The following LAMA1 variants were observed in gnomAD, a reference collection of about 807,000 sequenced individuals.
LAMA1 encodes laminin subunit alpha-1.
A neutral mutation model predicts 348.7 loss-of-function variants in LAMA1; 219 were observed. That is an observed-to-expected ratio of 0.63 (90% CI 0.56 to 0.70). The LOEUF is 0.70. Among genes scored for constraint, LAMA1 ranks in the 30% least tolerant of loss-of-function variants. LAMA1 has a pLI of 0.00. For missense variants in LAMA1, 3,744 were observed against 3,888.0 expected, an observed-to-expected ratio of 0.96 and a Z score of 0.99; for synonymous variants, 1,487 against 1,491.0, an observed-to-expected ratio of 1.00 and a Z score of 0.06.
chr18:7,072,688 G>C (rs1195902336), intron 3 of LAMA1, among the ~76,000 whole-genome samples: 1 of 152,132 alleles, frequency 6.6e-6, no homozygotes, highest in Non-Finnish European at 1.5e-5. Flanking sequence ...ACAAAATCCT[G>C]CCCCAGGATG....
At chr18:6,999,717 A>G in intron 31 of LAMA1, 79 bp from the exon 32 acceptor site, 1 of 1,319,438 alleles carries the variant, frequency 7.6e-7, no homozygotes, top group Non-Finnish European at 1.1e-6. Context: ...CATTTCCGCC[A>G]AATGAAATGC....
At chr18:7,053,831 T>C (rs572856927) in intron 3 of LAMA1, among the ~76,000 whole-genome samples, 2 of 150,604 alleles carry the variant, frequency 1.3e-5, no homozygotes, top group South Asian at 4.2e-4. Flanking sequence ...CCCAGGCTGC[T>C]GGAGTGCAAT....
chr18:6,982,722 G>A, intron 40 of LAMA1, 132 bp from the exon 41 acceptor site: 1 of 796,878 alleles, frequency 1.3e-6, no homozygotes, highest in East Asian at 2.5e-5. Flanking sequence ...GTACCAGGTA[G>A]GGACAATTTA....
chr18:7,027,977 C>T lies in LAMA1; in HGVS notation c.2275-1871G>A, dbSNP rs151058022. On this transcript the variant is annotated intron_variant, in intron 16 of 62. Transcript: ENST00000389658. ...ACAAAAAAGCTATTATAAGCATGCT[C>T]AAAGACTTGAAGGAAACATAAAAAC... 2.4e-3 allele frequency among the ~76,000 whole-genome samples: 362 copies of T among 152,046 alleles called. 2 individuals are homozygous for T. Among genetic ancestry groups the T allele is most frequent in the Non-Finnish European group, 4.5e-3 (304 of 67,984 alleles).
intron 3 of LAMA1, 33 bp downstream of exon 3, chr18:7,079,942 T>C (rs2058185968): frequency 6.8e-7 from 1 of 1,464,310 alleles, no homozygotes; most frequent in Non-Finnish European, 9.6e-7. Context: ...CAGCAGCCTG[T>C]AGACACTCTT....
chr18:7,010,692 A>C (rs1201916427), intron 25 of LAMA1, among the ~76,000 whole-genome samples: 1 of 152,234 alleles, frequency 6.6e-6, no homozygotes, highest in African/African-American at 2.4e-5. Context: ...CTCCAGGAGC[A>C]CTGGGTGCAT....
At chr18:7,082,089 T>C (rs144856335) in intron 1 of LAMA1, among the ~76,000 whole-genome samples, 1 of 152,098 alleles carries the variant, frequency 6.6e-6, no homozygotes, top group East Asian at 1.9e-4. Flanking sequence ...TTACCATGCA[T>C]CTATTAAAAA....
intron 1 of LAMA1, among the ~76,000 whole-genome samples, chr18:7,086,334 A>G (rs1012530717): frequency 3.3e-5 from 5 of 152,262 alleles, no homozygotes; most frequent in African/African-American, 1.2e-4. Context: ...AGGCAGAAAT[A>G]GAAGGGCATG....
In LAMA1 at chr18:7,017,385, C is replaced by T; in HGVS notation, c.2702-1G>A. On this transcript the variant is annotated splice_acceptor_variant, in intron 19 of 62. Transcript: ENST00000389658. LOFTEE classifies it high-confidence loss of function. Reference sequence around the variant, plus strand: ...GAGCCTTTCACATGGCATTCACAGGCTAAACACATGCACACAAAGACATAT... The same window carrying T: ...GAGCCTTTCACATGGCATTCACAGGTTAAACACATGCACACAAAGACATAT... The T allele has an allele frequency of 6.2e-7, 1 of 1,609,196 alleles. No homozygotes were observed. The highest frequency in any genetic ancestry group is 8.5e-7 in the Non-Finnish European group (1 of 1,176,066).
chr18:7,079,537 A>C, intron 3 of LAMA1: 2 of 259,670 alleles, frequency 7.7e-6, no homozygotes, highest in Non-Finnish European at 1.5e-5. Flanking sequence ...GAGGTTTAAC[A>C]CCGTTTTGTC....
chr18:7,000,177 T>C (rs570067699), intron 30 of LAMA1, among the ~76,000 whole-genome samples, 180 bp from the exon 31 acceptor site: 131 of 152,340 alleles, frequency 8.6e-4, no homozygotes, highest in African/African-American at 3.0e-3. Context: ...AATCAGTAAG[T>C]GCACACACAT....
At chr18:6,946,665 G>T (rs1279402598) in intron 61 of LAMA1, among the ~76,000 whole-genome samples, 1 of 152,110 alleles carries the variant, frequency 6.6e-6, no homozygotes, top group Non-Finnish European at 1.5e-5. Flanking sequence ...GTTGCAGTGA[G>T]CTGAGATTGC....
In LAMA1 at chr18:6,943,417, C is replaced by A. The variant is rs369955301; in HGVS notation, c.8845-15G>T. 1.2e-6 allele frequency: 2 copies of A among 1,609,154 alleles called. No homozygotes were observed. The highest frequency in any genetic ancestry group is 1.7e-6 in the Non-Finnish European group (2 of 1,175,448). On this transcript the variant is annotated splice_polypyrimidine_tract_variant and intron_variant, in intron 61 of 62. Coordinates refer to ENST00000389658, the MANE Select transcript of LAMA1 (RefSeq NM_005559.4). ...TGGAACAAGACCTAAAAGCAAATAT[C>A]TTGGTGAGTTTTTGTGTATTTAAGG... is the stretch of plus-strand genomic sequence containing the variant.
chr18:6,976,742 G>A (rs1257183199), intron 44 of LAMA1, among the ~76,000 whole-genome samples: 1 of 151,924 alleles, frequency 6.6e-6, no homozygotes, highest in East Asian at 1.9e-4. Flanking sequence ...GAGTAGCTGG[G>A]ACTACAGGTT....
chr18:6,988,401 C>T (rs1428786534), intron 36 of LAMA1, among the ~76,000 whole-genome samples: 3 of 152,312 alleles, frequency 2.0e-5, no homozygotes, highest in East Asian at 3.9e-4. Context: ...GGATCCTCCA[C>T]GGGGCTGCTG....
At position 6,983,166 on chromosome 18, in the gene LAMA1, T is replaced by C. The variant is rs1222036283; in HGVS notation, c.5729A>G (p.Gln1910Arg). The C allele has an allele frequency of 6.2e-7, 1 of 1,614,192 alleles. No homozygotes were observed. Reference protein sequence around the residue: ...TSAAYVHYNIQSLIEESEELA... With the variant: ...TSAAYVHYNIRSLIEESEELA... ...TTCCTCCGATTCTTCAATCAGGCTC[T>C]GGATGTTGTAATGGACATAGGCTGC... The change falls in exon 40 of 63, where the codon CAG (glutamine) becomes CGG (arginine). Residue 1910 changes from glutamine to arginine, a missense_variant. Coordinates refer to ENST00000389658, the MANE Select transcript of LAMA1 (RefSeq NM_005559.4).
intron 23 of LAMA1, 27 bp downstream of exon 23, chr18:7,013,788 T>C (rs2057872208): frequency 6.2e-7 from 1 of 1,604,462 alleles, no homozygotes; most frequent in East Asian, 2.2e-5. Context: ...AGAGACAGGA[T>C]GAAAGAGGAG....
chr18:6,998,280 G>A (rs1277030661), intron 32 of LAMA1, among the ~76,000 whole-genome samples: 2 of 152,162 alleles, frequency 1.3e-5, no homozygotes, highest in African/African-American at 4.8e-5. Context: ...ACACGCTGAC[G>A]AAAAGAACTT....
chr18:7,047,219 A>AT (rs1288100867), intron 5 of LAMA1, among the ~76,000 whole-genome samples: 6 of 151,546 alleles, frequency 4.0e-5, no homozygotes, highest in Non-Finnish European at 7.4e-5. Context: ...TAATTTTTGT[A>AT]TTTTTAGTAG....
Sources: allele counts gnomAD v4.1 joint callset (sites outside exome capture counted in the v4.1 genomes callset), GRCh38; gene constraint gnomAD v4.1.1; transcripts MANE v1.5; gene names NCBI Gene and HGNC (gene_info 2026-07-23, HGNC 2026-07-21).